Variants in TMPRSS5 observed in about 807,000 individuals in gnomAD.
TMPRSS5 encodes transmembrane protease serine 5.
A neutral mutation model predicts 59.7 loss-of-function variants in TMPRSS5; 45 were observed. The observed-to-expected ratio is 0.75, with a 90% CI of 0.59 to 0.97. The LOEUF (loss-of-function observed/expected upper bound fraction) is 0.97, where lower values mean the gene tolerates loss of function less well. TMPRSS5 is among the 50% of genes least tolerant of loss of function. The pLI is 0.00. For synonymous variants in TMPRSS5, 225 were observed against 232.0 expected (o/e 0.97, Z 0.27); for missense variants, 585 against 596.7 (o/e 0.98, Z 0.20).
intron 7 of TMPRSS5, among the ~76,000 whole-genome samples, chr11:113,695,118 T>TG (rs540481480): frequency 3.5e-4 from 53 of 152,212 alleles, no homozygotes; most frequent in Non-Finnish European, 4.4e-4. Context: ...AGAAGAAAGA[T>TG]GGAGTTGGTG....
rs1311229753 is a variant in TMPRSS5, at chr11:113,698,959, T to A, written c.274A>T (p.Ser92Cys). Residue 92 changes from serine (S) to cysteine (C), a missense_variant, in exon 4 of 13, where the codon AGC becomes TGC. Coordinates refer to ENST00000299882, the MANE Select transcript of TMPRSS5 (RefSeq NM_030770.4). ...TCCTCAGCGCTGGCCTCTGAGCAGC[T>A]CAAAGTTATCTCCTCATCCTGCAAG... ...GTLQDEEITL[S>C]CSEASAEEAL... 1.9e-6 allele frequency: 3 copies of A among 1,603,376 alleles called. No homozygotes were observed. The highest frequency in any genetic ancestry group is 3.4e-5 in the Admixed American group (2 of 58,706).
chr11:113,692,147 C>A (rs1001271008), intron 9 of TMPRSS5, among the ~76,000 whole-genome samples: 10 of 152,204 alleles, frequency 6.6e-5, no homozygotes, highest in African/African-American at 2.4e-4. Flanking sequence ...CTCACCCTCC[C>A]AAAGTGCTGG....
At chr11:113,697,252 C>T in intron 5 of TMPRSS5, 31 bp downstream of exon 5, 1 of 1,593,436 alleles carries the variant, frequency 6.3e-7, no homozygotes, top group Non-Finnish European at 8.6e-7. Flanking sequence ...AGGCCTCCCC[C>T]TTCACAGGAC....
At chr11:113,698,833 G>A (rs932233928) in intron 4 of TMPRSS5, 72 bp downstream of exon 4, 19 of 1,530,480 alleles carry the variant, frequency 1.2e-5, no homozygotes, top group South Asian at 2.4e-5. Flanking sequence ...CTTCAGTGTC[G>A]GTTCTCTTGC....
At chr11:113,689,405 G>C (rs911581692) in intron 12 of TMPRSS5, among the ~76,000 whole-genome samples, 2 of 151,888 alleles carry the variant, frequency 1.3e-5, no homozygotes, top group Non-Finnish European at 2.9e-5. Context: ...GCCTAGCACT[G>C]TGCTAGGCAT....
chr11:113,698,419 A>G (rs955854225), intron 4 of TMPRSS5, among the ~76,000 whole-genome samples: 3 of 152,172 alleles, frequency 2.0e-5, no homozygotes, highest in African/African-American at 4.8e-5. Context: ...ACAGACTCCA[A>G]CCTTATTCTA....
In TMPRSS5 at chr11:113,688,090, G is replaced by C; in HGVS notation, c.*170C>G. On this transcript the variant is annotated 3_prime_UTR_variant, in exon 13 of 13. Transcript: ENST00000299882. ...AATCAGGGCCCAAGAGGAGAGACCT[G>C]TTGGCTGGGTGGCTGGCCAGTGGGT... 1 of 1,105,982 alleles carries C rather than the reference G, an allele frequency of 9.0e-7. No homozygotes were observed. Among genetic ancestry groups the C allele is most frequent in the Non-Finnish European group, 1.2e-6 (1 of 836,130 alleles). 68.5% of individuals were successfully genotyped at this position (1,105,982 alleles called of 1,614,324 possible).
intron 1 of TMPRSS5, among the ~76,000 whole-genome samples, chr11:113,701,722 T>A (rs1953140395): frequency 6.6e-6 from 1 of 152,172 alleles, no homozygotes. Flanking sequence ...TCACTGTATA[T>A]TAGAGTTCCC....
chr11:113,696,253 G>A (rs1952925297), intron 6 of TMPRSS5, among the ~76,000 whole-genome samples: 1 of 152,172 alleles, frequency 6.6e-6, no homozygotes, highest in Non-Finnish European at 1.5e-5. Context: ...CCAGGAGGCT[G>A]ATAGGCAGAT....
intron 1 of TMPRSS5, among the ~76,000 whole-genome samples, chr11:113,703,306 C>CTGTA (rs1209641245): frequency 3.9e-5 from 6 of 152,198 alleles, no homozygotes; most frequent in Non-Finnish European, 8.8e-5. Context: ...TGCATGGGGA[C>CTGTA]TGTAACCTCT....
intron 3 of TMPRSS5, among the ~76,000 whole-genome samples, chr11:113,699,235 C>G (rs866539832): frequency 2.3e-4 from 15 of 65,674 alleles, no homozygotes; most frequent in East Asian, 1.5e-3. Flanking sequence ...CTCTCTCTCT[C>G]TCTCTCTCTC....
rs45550331 is a variant in TMPRSS5 at position 113,699,748 on chromosome 11, A to G, written c.107-55T>C. On this transcript the variant is annotated intron_variant, in intron 2 of 12. Coordinates refer to ENST00000299882, the MANE Select transcript of TMPRSS5 (RefSeq NM_030770.4). Reference sequence around the variant, plus strand: ...TCCCCTGCTCCTGCCAGCCTGCCTTACTTCACCCTAAGTCACCACTATGGG... The same window carrying G: ...TCCCCTGCTCCTGCCAGCCTGCCTTGCTTCACCCTAAGTCACCACTATGGG... The G allele has an allele frequency of 0.016, 24,552 of 1,522,508 alleles. 244 individuals carry two copies. Among genetic ancestry groups the G allele is most frequent in the Non-Finnish European group, 0.02 (22,342 of 1,120,760 alleles). 94.3% of individuals were successfully genotyped at this position (1,522,508 alleles called of 1,614,324 possible).
chr11:113,696,997 G>A, intron 5 of TMPRSS5, 26 bp from the exon 6 acceptor site: 1 of 1,504,888 alleles, frequency 6.6e-7, no homozygotes, highest in South Asian at 1.2e-5. Context: ...GAATAGAACA[G>A]GAGGAAATCA....
chr11:113,688,352 T>A, intron 12 of TMPRSS5, 78 bp from the exon 13 acceptor site: 2 of 1,013,746 alleles, frequency 2.0e-6, no homozygotes, highest in Non-Finnish European at 3.0e-6. Context: ...GTAAATCACT[T>A]AACCATGCAG....
chr11:113,706,017 G>A (rs553781881), intron 1 of TMPRSS5, among the ~76,000 whole-genome samples: 2 of 152,312 alleles, frequency 1.3e-5, no homozygotes, highest in South Asian at 4.1e-4. Flanking sequence ...ATAGATCTAA[G>A]AGGGATGAAA....
At chr11:113,690,176 G>GGGCCCCCCCCCCCCCCCCACC in intron 11 of TMPRSS5, 55 bp downstream of exon 11, 1 of 388,230 alleles carries the variant, frequency 2.6e-6, no homozygotes. Flanking sequence ...CAGGCCCCCT[G>GGGCCCCCCCCCCCCCCCCACC]CCCTCCCACC....
chr11:113,687,973 C>T lies in TMPRSS5; in HGVS notation c.*287G>A. On this transcript the variant is annotated 3_prime_UTR_variant, in exon 13 of 13. Transcript: ENST00000299882. ...CTTCATCTCCAGCTCCTACCTCTCT[C>T]CTCCCCCTCATCCCTCAGCAACCAC... is the stretch of plus-strand genomic sequence containing the variant. 2 of 377,534 alleles carry T rather than the reference C, an allele frequency of 5.3e-6. No homozygotes were observed. Among genetic ancestry groups the T allele is most frequent in the Middle Eastern group, 6.9e-4 (1 of 1,442 alleles). 23.4% of individuals were successfully genotyped at this position (377,534 alleles called of 1,614,324 possible).
rs771830482 is a variant in TMPRSS5 at position 113,689,846 on chromosome 11, C to A, written c.1278G>T (p.Gly426=). 4 of 1,591,738 alleles carry A rather than the reference C, an allele frequency of 2.5e-6. No homozygotes were observed. Among genetic ancestry groups the A allele is most frequent in the Non-Finnish European group, 3.4e-6 (4 of 1,169,188 alleles). Residue 426 remains glycine, a synonymous_variant, in exon 12 of 13, where the codon GGG becomes GGT. Coordinates refer to ENST00000299882, the MANE Select transcript of TMPRSS5 (RefSeq NM_030770.4). ...TWRLVGVVSW[G]RGCAEPNHPG... ...GGTGATTGGGCTCTGCGCAGCCACG[C>A]CCCCAGCTGACCACCCCCACTAGGC...
At position 113,688,059 on chromosome 11, in the gene TMPRSS5, C is replaced by G; in HGVS notation, c.*201G>C. On this transcript the variant is annotated 3_prime_UTR_variant, in exon 13 of 13. Transcript: ENST00000299882. ...ATTGAGTCTCTAGTGAGAAAGAGGA[C>G]TCTGAAATCAGGGCCCAAGAGGAGA... The G allele has an allele frequency of 2.7e-6, 2 of 751,962 alleles. No homozygotes were observed. Among genetic ancestry groups the G allele is most frequent in the South Asian group, 9.3e-5 (2 of 21,504 alleles). 46.6% of individuals were successfully genotyped at this position (751,962 alleles called of 1,614,324 possible).
Sources: allele counts gnomAD v4.1 joint callset (sites outside exome capture counted in the v4.1 genomes callset), GRCh38; gene constraint gnomAD v4.1.1; transcripts MANE v1.5; gene names NCBI Gene and HGNC (gene_info 2026-07-23, HGNC 2026-07-21).